Variants in MYO16 observed in about 807,000 individuals in gnomAD.
The protein encoded by MYO16 is myosin XVI, also known as unconventional myosin-XVI.
A neutral mutation model predicts 205.3 loss-of-function variants in MYO16; 94 were observed. The observed-to-expected ratio is 0.46, with a 90% CI of 0.39 to 0.54. MYO16 has a LOEUF of 0.54. Among genes scored for constraint, MYO16 ranks in the 20% least tolerant of loss-of-function variants. MYO16 has a pLI of 0.00. For synonymous variants in MYO16, 988 were observed against 954.0 expected (o/e 1.04, Z -0.66); for missense variants, 2,315 against 2,387.5 (o/e 0.97, Z 0.63).
chr13:109,098,656 G>A (rs138575708), intron 27 of MYO16, among the ~76,000 whole-genome samples: 11 of 152,214 alleles, frequency 7.2e-5, no homozygotes, highest in African/African-American at 1.4e-4. Context: ...TAATGGTTTC[G>A]CTGGGATTCA....
rs537201497 is a variant in MYO16, at chr13:108,985,569, G to A, written c.2370-6807G>A. 7.9e-5 allele frequency among the ~76,000 whole-genome samples: 12 copies of A among 152,230 alleles called. No homozygotes were observed. The South Asian group carries it at 1.5e-3, about 18-fold the overall frequency. On this transcript the variant is annotated intron_variant, in intron 20 of 34. Transcript: ENST00000457511. ...AAAACACTAGTGGGAAAAATACGGC[G>A]GTCAGTGTATTTAACTTCATGAAGA... is the stretch of plus-strand genomic sequence containing the variant.
In MYO16 at chr13:108,784,062, C is replaced by T. The variant is rs1886385950; in HGVS notation, c.508-1573C>T. Among the ~76,000 whole-genome samples, 2 of 152,170 alleles carry T rather than the reference C, an allele frequency of 1.3e-5. 1 individual carries two copies. The highest frequency in any genetic ancestry group is 4.1e-4 in the South Asian group (2 of 4,832). ...TAACAAGCAGAGTTATATGCCTGTGCTGTGCTCTAAACTCACTGAGTCACT... is the reference window on the plus strand; with the variant it reads ...TAACAAGCAGAGTTATATGCCTGTGTTGTGCTCTAAACTCACTGAGTCACT... On this transcript the variant is annotated intron_variant, in intron 4 of 34. Transcript: ENST00000457511.
intron 29 of MYO16, among the ~76,000 whole-genome samples, chr13:109,124,412 C>A (rs55804230): frequency 0.092 from 14,031 of 152,126 alleles, 839 homozygotes; most frequent in Middle Eastern, 0.13. Context: ...ATTGAGATAG[C>A]GGTATATTTT....
chr13:108,962,112 C>T (rs1414295872), intron 18 of MYO16, among the ~76,000 whole-genome samples: 2 of 152,116 alleles, frequency 1.3e-5, no homozygotes, highest in Admixed American at 6.6e-5. Context: ...CAGGAAACAA[C>T]ATATCTTCAC....
intron 1 of MYO16, among the ~76,000 whole-genome samples, chr13:108,609,692 G>A (rs1879100479): frequency 6.6e-6 from 1 of 152,040 alleles, no homozygotes; most frequent in Non-Finnish European, 1.5e-5. Flanking sequence ...AAATAAAAGT[G>A]AATTTTATAC....
chr13:108,566,383 A>G, the MYO16 span, among the ~76,000 whole-genome samples: 1 of 151,766 alleles, frequency 6.6e-6, no homozygotes, highest in Non-Finnish European at 1.5e-5. Context: ...CTCTGTTTTA[A>G]TCTCTGATTT....
At chr13:109,116,921 A>T (rs1348087169) in intron 28 of MYO16, among the ~76,000 whole-genome samples, 1 of 152,106 alleles carries the variant, frequency 6.6e-6, no homozygotes, top group Non-Finnish European at 1.5e-5. Context: ...TGGGTTTTTG[A>T]TGTAGTGATG....
At chr13:108,509,744 A>G in the MYO16 span, among the ~76,000 whole-genome samples, 1 of 152,206 alleles carries the variant, frequency 6.6e-6, no homozygotes, top group South Asian at 2.1e-4. Flanking sequence ...ACATGTATAC[A>G]TATGTAAAAA....
At chr13:108,729,474 CT>C (rs1594245818) in intron 4 of MYO16, among the ~76,000 whole-genome samples, 1 of 152,030 alleles carries the variant, frequency 6.6e-6, no homozygotes, top group African/African-American at 2.4e-5. Context: ...TGATTCATGG[CT>C]TTTGCAGTTT....
chr13:109,018,299 C>CA (rs1566463528), intron 22 of MYO16, among the ~76,000 whole-genome samples: 1 of 152,196 alleles, frequency 6.6e-6, no homozygotes, highest in African/African-American at 2.4e-5. Flanking sequence ...CCAGCAGCAG[C>CA]TGCAGAACAG....
At chr13:108,871,769 C>T (rs1034222750) in intron 12 of MYO16, among the ~76,000 whole-genome samples, 14 of 152,092 alleles carry the variant, frequency 9.2e-5, no homozygotes, top group African/African-American at 2.7e-4. Flanking sequence ...CTCAGCACAG[C>T]GGCACTGTGT....
the MYO16 span, among the ~76,000 whole-genome samples, chr13:108,570,564 T>C: frequency 6.6e-6 from 1 of 152,208 alleles, no homozygotes; most frequent in Non-Finnish European, 1.5e-5. Context: ...TCTTAAATGT[T>C]TGTGATAACA....
At chr13:109,004,761 A>G (rs1051463520) in intron 21 of MYO16, among the ~76,000 whole-genome samples, 6 of 152,218 alleles carry the variant, frequency 3.9e-5, no homozygotes, top group African/African-American at 1.4e-4. Flanking sequence ...TATCAGTTAC[A>G]AGAAAGAAAA....
intron 34 of MYO16, among the ~76,000 whole-genome samples, chr13:109,205,999 A>G (rs775107147): frequency 8.5e-5 from 13 of 152,178 alleles, no homozygotes; most frequent in African/African-American, 1.2e-4. Context: ...AGCTCATTGG[A>G]TATTTTAGTG....
At chr13:108,820,707 G>A (rs1256229797) in intron 8 of MYO16, among the ~76,000 whole-genome samples, 2 of 152,148 alleles carry the variant, frequency 1.3e-5, no homozygotes, top group Non-Finnish European at 2.9e-5. Context: ...TTCATTCAGT[G>A]TAACGTACTT....
the MYO16 span, among the ~76,000 whole-genome samples, chr13:108,583,985 G>A: frequency 2.0e-5 from 3 of 152,174 alleles, no homozygotes; most frequent in African/African-American, 4.8e-5. Flanking sequence ...ACGGAGTCTC[G>A]CTCTGTCACC....
intron 10 of MYO16, among the ~76,000 whole-genome samples, chr13:108,854,816 T>G (rs1000666182): frequency 6.6e-6 from 1 of 152,232 alleles, no homozygotes; most frequent in Non-Finnish European, 1.5e-5. Flanking sequence ...TTTGAAATGT[T>G]GCAGTCTTTA....
chr13:108,646,242 T>A (rs1239980250), intron 1 of MYO16, among the ~76,000 whole-genome samples: 1 of 152,248 alleles, frequency 6.6e-6, no homozygotes, highest in Non-Finnish European at 1.5e-5. Flanking sequence ...ATATCATCCA[T>A]GATGTAGTTT....
chr13:108,597,758 G>A (rs1364792886), intron 1 of MYO16, among the ~76,000 whole-genome samples: 6 of 151,978 alleles, frequency 3.9e-5, no homozygotes, highest in South Asian at 2.1e-4. Flanking sequence ...TGTGATTACC[G>A]GTGGTTTCAT....
Sources: gnomAD v4.1 joint callset for allele counts (sites outside exome capture counted in the v4.1 genomes callset) on GRCh38, gnomAD v4.1.1 for gene constraint, MANE v1.5 for transcripts, NCBI Gene and HGNC (gene_info 2026-07-23, HGNC 2026-07-21) for gene names.